PMEPA1: variants seen among roughly 807,000 people sequenced by gnomAD.
PMEPA1 encodes protein TMEPAI.
A neutral mutation model predicts 23.0 loss-of-function variants in PMEPA1; 11 were observed. That is an observed-to-expected ratio of 0.48 (90% CI 0.30 to 0.79). The LOEUF (loss-of-function observed/expected upper bound fraction) is 0.79, where lower values mean the gene tolerates loss of function less well. PMEPA1 is among the 30% of genes least tolerant of loss of function. PMEPA1 has a pLI of 0.06. For synonymous variants in PMEPA1, 204 were observed against 166.4 expected (o/e 1.23, Z -1.74); for missense variants, 377 against 390.9 (o/e 0.96, Z 0.30).
intron 1 of PMEPA1, among the ~76,000 whole-genome samples, chr20:57,692,100 C>T (rs149132496): frequency 6.6e-6 from 1 of 152,372 alleles, no homozygotes; most frequent in African/African-American, 2.4e-5. Context: ...ACAAACAGAA[C>T]AGGCTTTGTT....
At chr20:57,664,229 T>C (rs2071461842) in intron 1 of PMEPA1, among the ~76,000 whole-genome samples, 1 of 152,248 alleles carries the variant, frequency 6.6e-6, no homozygotes, top group East Asian at 1.9e-4. Flanking sequence ...GTCCCGGGAC[T>C]CACCTGGCCT....
At chr20:57,681,576 T>A (rs1245800914) in intron 1 of PMEPA1, among the ~76,000 whole-genome samples, 1 of 152,188 alleles carries the variant, frequency 6.6e-6, no homozygotes, top group Admixed American at 6.5e-5. Flanking sequence ...ACCAACTTTT[T>A]AATTTAGCAA....
intron 1 of PMEPA1, among the ~76,000 whole-genome samples, chr20:57,705,216 T>C (rs1300504854): frequency 6.6e-6 from 1 of 152,200 alleles, no homozygotes; most frequent in Non-Finnish European, 1.5e-5. Flanking sequence ...ATTAGTTATT[T>C]TGTGCTTTGA....
rs2072138534 is a variant in PMEPA1, at chr20:57,709,590, G to C, written c.-8C>G. 1 of 998,736 alleles carries C rather than the reference G, an allele frequency of 1.0e-6. No individual in the cohort carries two copies. Among genetic ancestry groups the C allele is most frequent in the African/African-American group, 1.8e-5 (1 of 55,942 alleles). The allele number at this position is 998,736 out of a possible 1,614,324, so 61.9% of individuals were successfully genotyped here. ...CCCCATCAAGCGGTGCATGGACGGC[G>C]CGGCGGCGCGGCGCGGGGCGCGGGG... On this transcript the variant is annotated 5_prime_UTR_variant, in exon 1 of 4. Transcript: ENST00000341744.
intron 1 of PMEPA1, among the ~76,000 whole-genome samples, chr20:57,689,077 C>A (rs1348771549): frequency 6.6e-6 from 1 of 152,200 alleles, no homozygotes; most frequent in Non-Finnish European, 1.5e-5. Context: ...GCGCATGGGC[C>A]CGAGTGGGCG....
At chr20:57,701,968 G>A (rs901333958) in intron 1 of PMEPA1, among the ~76,000 whole-genome samples, 1 of 152,176 alleles carries the variant, frequency 6.6e-6, no homozygotes, top group African/African-American at 2.4e-5. Context: ...GCCATGACAG[G>A]TGTGACAGGA....
At chr20:57,693,843 G>A (rs915253583) in intron 1 of PMEPA1, among the ~76,000 whole-genome samples, 1 of 152,194 alleles carries the variant, frequency 6.6e-6, no homozygotes, top group Non-Finnish European at 1.5e-5. Context: ...CAAGCCTTGT[G>A]AGGAGGTGTT....
chr20:57,691,261 T>C (rs2071878319), intron 1 of PMEPA1, among the ~76,000 whole-genome samples: 1 of 152,200 alleles, frequency 6.6e-6, no homozygotes, highest in Non-Finnish European at 1.5e-5. Context: ...TTGTGCAAAA[T>C]GGCAAATGCC....
chr20:57,674,684 C>T (rs1183411220), intron 1 of PMEPA1, among the ~76,000 whole-genome samples: 1 of 152,216 alleles, frequency 6.6e-6, no homozygotes, highest in Admixed American at 6.5e-5. Flanking sequence ...AAGACATTTT[C>T]TTCTGTCATC....
intron 1 of PMEPA1, among the ~76,000 whole-genome samples, chr20:57,706,018 T>C (rs1225542730): frequency 6.6e-6 from 1 of 152,218 alleles, no homozygotes; most frequent in Non-Finnish European, 1.5e-5. Context: ...GGGTGTCCTG[T>C]GAGTTTCTGA....
chr20:57,682,935 G>A lies in PMEPA1; in HGVS notation c.110-23238C>T, dbSNP rs1568977323. Among the ~76,000 whole-genome samples the A allele has an allele frequency of 6.6e-6, 1 of 152,354 alleles. No individual in the cohort carries two copies. Among genetic ancestry groups the A allele is most frequent in the East Asian group, 1.9e-4 (1 of 5,186 alleles). ...AGCAGCTCGCCTCCTAAATAAGGCA[G>A]CACACCAAGACGGTCTTGAAACTCC... On this transcript the variant is annotated intron_variant, in intron 1 of 3. Transcript: ENST00000341744. This position sits in a 1 kb window ranked among gnomAD's most constrained non-coding sequence, Gnocchi z 4.4.
intron 1 of PMEPA1, among the ~76,000 whole-genome samples, chr20:57,664,159 G>A (rs537096732): frequency 3.3e-5 from 5 of 152,326 alleles, no homozygotes; most frequent in South Asian, 2.1e-4. Context: ...GGCCCCAGCC[G>A]TGTTCCCACC....
chr20:57,689,542 A>G (rs1250082373), intron 1 of PMEPA1, among the ~76,000 whole-genome samples: 1 of 152,236 alleles, frequency 6.6e-6, no homozygotes, highest in Non-Finnish European at 1.5e-5. Flanking sequence ...GTCAGTGCCA[A>G]GATGGGACAG....
chr20:57,659,412 C>A lies in PMEPA1; in HGVS notation c.264+131G>T, dbSNP rs1055461618. ...GGGGAGGAAGCTGCTGTCAGGTGGG[C>A]TCCCCAGCCCCTGTCTTCCTGCCCT... On this transcript the variant is annotated intron_variant, in intron 2 of 3. Transcript: ENST00000341744. The A allele has an allele frequency of 1.5e-5, 15 of 986,512 alleles. No homozygotes were observed. The South Asian group carries it at 2.2e-4, about 14-fold the overall frequency. 61.1% of individuals were successfully genotyped at this position (986,512 alleles called of 1,614,324 possible).
intron 1 of PMEPA1, among the ~76,000 whole-genome samples, chr20:57,684,859 A>AG (rs11383075): frequency 0.022 from 3,228 of 144,152 alleles, 117 homozygotes; most frequent in African/African-American, 0.079. Flanking sequence ...AGGAGCTGGG[A>AG]GGGGGGGGTC....
chr20:57,696,980 G>A (rs2071950141), intron 1 of PMEPA1, among the ~76,000 whole-genome samples: 1 of 152,198 alleles, frequency 6.6e-6, no homozygotes, highest in African/African-American at 2.4e-5. Flanking sequence ...GCTTGCTCTT[G>A]GAGTCACCCT....
chr20:57,679,002 G>C (rs938554834), intron 1 of PMEPA1, among the ~76,000 whole-genome samples: 1 of 152,214 alleles, frequency 6.6e-6, no homozygotes, highest in Admixed American at 6.5e-5. Context: ...GCACAGAAGA[G>C]CCAGGAACTG....
At chr20:57,654,725 G>A (rs1231333965) in intron 2 of PMEPA1, among the ~76,000 whole-genome samples, 2 of 152,110 alleles carry the variant, frequency 1.3e-5, no homozygotes, top group African/African-American at 4.8e-5. Context: ...AAGTCCTATG[G>A]AACCAGGGCC....
chr20:57,657,882 T>C (rs1260286045), intron 2 of PMEPA1, among the ~76,000 whole-genome samples: 1 of 152,188 alleles, frequency 6.6e-6, no homozygotes, highest in Non-Finnish European at 1.5e-5. Context: ...CCACACCTGG[T>C]GAGCCCCGGC....
Sources: allele counts gnomAD v4.1 joint callset (sites outside exome capture counted in the v4.1 genomes callset), GRCh38; gene constraint gnomAD v4.1.1; non-coding constraint Gnocchi (gnomAD v3.1); transcripts MANE v1.5; gene names NCBI Gene and HGNC (gene_info 2026-07-23, HGNC 2026-07-21).